The following SLC35D4 variants were observed in gnomAD, a reference collection of about 807,000 sequenced individuals.
The protein encoded by SLC35D4 is solute carrier family 35 member D4.
the SLC35D4 span, among the ~76,000 whole-genome samples, chr18:23,239,647 C>T: frequency 1.3e-5 from 2 of 152,132 alleles, no homozygotes; most frequent in Non-Finnish European, 2.9e-5. Flanking sequence ...ATAGAATTCG[C>T]CTGTTGAACC....
At chr18:23,244,838 G>A in the SLC35D4 span, among the ~76,000 whole-genome samples, 2 of 152,202 alleles carry the variant, frequency 1.3e-5, no homozygotes, top group Non-Finnish European at 2.9e-5. Context: ...GCTGGCAGTA[G>A]GTCAGAGAAC....
At chr18:23,318,789 T>A in the SLC35D4 span, among the ~76,000 whole-genome samples, 3 of 152,220 alleles carry the variant, frequency 2.0e-5, no homozygotes, top group African/African-American at 7.2e-5. Context: ...AAGCATGTAT[T>A]AATATATTTA....
At chr18:23,395,704 G>A in the SLC35D4 span, among the ~76,000 whole-genome samples, 1 of 152,194 alleles carries the variant, frequency 6.6e-6, no homozygotes, top group South Asian at 2.1e-4. Context: ...CTGTCCAGCT[G>A]AGAAGGCTTT....
the SLC35D4 span, among the ~76,000 whole-genome samples, chr18:23,433,705 T>C: frequency 6.6e-6 from 1 of 152,058 alleles, no homozygotes; most frequent in Non-Finnish European, 1.5e-5. Flanking sequence ...TTTCAAACAA[T>C]AGAAGGGGGT....
the SLC35D4 span, among the ~76,000 whole-genome samples, chr18:23,404,440 C>G: frequency 6.6e-6 from 1 of 151,744 alleles, no homozygotes; most frequent in Non-Finnish European, 1.5e-5. Flanking sequence ...TTTGGGAGGC[C>G]GAGGCAGGCG....
chr18:23,366,510 G>A, the SLC35D4 span, among the ~76,000 whole-genome samples: 1 of 152,230 alleles, frequency 6.6e-6, no homozygotes, highest in East Asian at 1.9e-4. Context: ...TATCAGAATA[G>A]CCCAGTGTCC....
the SLC35D4 span, among the ~76,000 whole-genome samples, chr18:23,302,190 C>T: frequency 3.3e-5 from 5 of 152,206 alleles, no homozygotes; most frequent in African/African-American, 7.2e-5. Flanking sequence ...CAAGTGCCTA[C>T]GGAGCCAGAC....
the SLC35D4 span, among the ~76,000 whole-genome samples, chr18:23,436,274 C>T: frequency 6.6e-6 from 1 of 152,036 alleles, no homozygotes; most frequent in South Asian, 2.1e-4. Flanking sequence ...ACAATCCACC[C>T]GCCTCGGCCT....
chr18:23,328,286 G>A, the SLC35D4 span, among the ~76,000 whole-genome samples: 4 of 152,252 alleles, frequency 2.6e-5, no homozygotes, highest in South Asian at 8.3e-4. Flanking sequence ...AGATGACATG[G>A]TTGTATATTT....
the SLC35D4 span, among the ~76,000 whole-genome samples, chr18:23,273,590 G>T: frequency 1.3e-5 from 2 of 151,610 alleles, no homozygotes; most frequent in South Asian, 2.1e-4. Flanking sequence ...GAATGCAATC[G>T]CCCTGTTCTG....
At chr18:23,402,491 A>C in the SLC35D4 span, among the ~76,000 whole-genome samples, 8 of 152,206 alleles carry the variant, frequency 5.3e-5, no homozygotes, top group Non-Finnish European at 8.8e-5. Context: ...AATTAAAATA[A>C]ATAGATTGTT....
the SLC35D4 span, among the ~76,000 whole-genome samples, chr18:23,239,317 A>G: frequency 6.6e-6 from 1 of 152,202 alleles, no homozygotes; most frequent in Non-Finnish European, 1.5e-5. Flanking sequence ...CATGCTATAG[A>G]GAATGGAATT....
the SLC35D4 span, among the ~76,000 whole-genome samples, chr18:23,305,314 T>C: frequency 6.6e-6 from 1 of 152,214 alleles, no homozygotes; most frequent in African/African-American, 2.4e-5. Flanking sequence ...TTTAAGCCAT[T>C]TTCCCTTATA....
At chr18:23,388,864 C>T in the SLC35D4 span, among the ~76,000 whole-genome samples, 1 of 152,200 alleles carries the variant, frequency 6.6e-6, no homozygotes, top group African/African-American at 2.4e-5. Flanking sequence ...GTGCTTGCTT[C>T]CCCTTCACCT....
the SLC35D4 span, among the ~76,000 whole-genome samples, chr18:23,243,517 A>G: frequency 7.8e-6 from 1 of 127,726 alleles, no homozygotes; most frequent in Admixed American, 9.5e-5. Context: ...TAACAGCACT[A>G]TTAGAATTCC....
the SLC35D4 span, among the ~76,000 whole-genome samples, chr18:23,313,281 T>C: frequency 0.77 from 116,512 of 151,642 alleles, 45,163 homozygotes; most frequent in Middle Eastern, 0.88. Flanking sequence ...CTTGAAAGCT[T>C]AAAATTTGCT....
At chr18:23,305,988 A>G in the SLC35D4 span, among the ~76,000 whole-genome samples, 1 of 152,216 alleles carries the variant, frequency 6.6e-6, no homozygotes, top group Non-Finnish European at 1.5e-5. Flanking sequence ...ACTCCCCATC[A>G]TGGTATTCCA....
chr18:23,314,682 C>T, the SLC35D4 span, among the ~76,000 whole-genome samples: 5 of 152,228 alleles, frequency 3.3e-5, no homozygotes, highest in African/African-American at 1.2e-4. Flanking sequence ...TAGTCATCAC[C>T]TGTACTATCA....
the SLC35D4 span, among the ~76,000 whole-genome samples, chr18:23,376,225 AAC>A: frequency 1.3e-5 from 2 of 152,266 alleles, no homozygotes; most frequent in East Asian, 3.8e-4. Context: ...ATATATATCT[AAC>A]ACACAACAAC....
Sources: gnomAD v4.1 joint callset for allele counts (sites outside exome capture counted in the v4.1 genomes callset) on GRCh38, gnomAD v4.1.1 for gene constraint, MANE v1.5 for transcripts, NCBI Gene and HGNC (gene_info 2026-07-23, HGNC 2026-07-21) for gene names.